Variants in PDCD1LG2 observed in about 807,000 individuals in gnomAD.
The protein encoded by PDCD1LG2 is programmed cell death 1 ligand 2.
Under a neutral mutation model 28.2 loss-of-function variants are expected in PDCD1LG2, and 32 were observed. The ratio of observed to expected loss-of-function variants is 1.13; its 90% CI spans 0.86 to 1.52. The LOEUF (loss-of-function observed/expected upper bound fraction) is 1.52. Among genes scored for constraint, PDCD1LG2 ranks in the 40% most tolerant of loss-of-function variants. PDCD1LG2 has a pLI of 0.00. For missense variants in PDCD1LG2, 385 were observed against 323.8 expected (o/e 1.19, Z -1.45); for synonymous variants, 116 against 120.2 (o/e 0.97, Z 0.23).
rs774273684 is a variant in PDCD1LG2, at chr9:5,522,613, C to G, written c.55+12C>G. ...TCACCAGATAGCAGGTAAGAAAGGA[C>G]AAAGGGAGAGGCTTAAGAAAGAAGA... On this transcript the variant is annotated intron_variant, in intron 2 of 6. Coordinates refer to ENST00000397747, the MANE Select transcript of PDCD1LG2 (RefSeq NM_025239.4). 5.6e-6 allele frequency: 9 copies of G among 1,611,972 alleles called. No individual in the cohort carries two copies. In the South Asian group the frequency reaches 8.8e-5, roughly 16 times the overall value.
At chr9:5,540,209 T>A (rs1259476748) in intron 3 of PDCD1LG2, among the ~76,000 whole-genome samples, 2 of 152,084 alleles carry the variant, frequency 1.3e-5, no homozygotes, top group African/African-American at 4.8e-5. Flanking sequence ...ACACAACCTA[T>A]CAAAACTCTG....
intron 3 of PDCD1LG2, among the ~76,000 whole-genome samples, chr9:5,544,218 G>A (rs1441062681): frequency 1.3e-5 from 2 of 152,182 alleles, no homozygotes; most frequent in African/African-American, 4.8e-5. Flanking sequence ...TAATGAGGGA[G>A]ACTGAGAAGC....
chr9:5,517,483 T>C (rs1820190896), intron 1 of PDCD1LG2, among the ~76,000 whole-genome samples: 1 of 152,226 alleles, frequency 6.6e-6, no homozygotes, highest in Admixed American at 6.5e-5. Context: ...CAGTGGGTCC[T>C]TTAAAGCATG....
Position 5,554,187 on chromosome 9 carries a change from C to T in PDCD1LG2, c.632-3431C>T, listed in dbSNP as rs141625409. On this transcript the variant is annotated intron_variant, in intron 4 of 6. Transcript: ENST00000397747. ...GTTCACACAAGTCTTCTTTATTCCACACTAAGGCAAAAGCAGAGTCCTGTG... is the reference window on the plus strand; with the variant it reads ...GTTCACACAAGTCTTCTTTATTCCATACTAAGGCAAAAGCAGAGTCCTGTG... Among the ~76,000 whole-genome samples the T allele has an allele frequency of 4.2e-3, 635 of 152,282 alleles. 3 individuals are homozygous for T. The highest frequency in any genetic ancestry group is 0.015 in the African/African-American group (604 of 41,564).
At chr9:5,516,985 C>T (rs774156488) in intron 1 of PDCD1LG2, among the ~76,000 whole-genome samples, 2 of 152,196 alleles carry the variant, frequency 1.3e-5, no homozygotes, top group Non-Finnish European at 1.5e-5. Context: ...CAGTACGGGG[C>T]GGGACTCCCA....
chr9:5,517,300 A>G (rs1820186272), intron 1 of PDCD1LG2, among the ~76,000 whole-genome samples: 2 of 152,198 alleles, frequency 1.3e-5, no homozygotes, highest in South Asian at 4.1e-4. Flanking sequence ...TCCCTTAGGG[A>G]TTGGATCTGC....
intron 2 of PDCD1LG2, 43 bp downstream of exon 2, chr9:5,522,644 T>C: frequency 1.3e-6 from 2 of 1,595,114 alleles, no homozygotes; most frequent in Non-Finnish European, 1.7e-6. Flanking sequence ...GAAGAGCAGG[T>C]GGTGGTTCCT....
chr9:5,561,495 T>C (rs2129939256), intron 5 of PDCD1LG2, among the ~76,000 whole-genome samples: 1 of 152,352 alleles, frequency 6.6e-6, no homozygotes, highest in South Asian at 2.1e-4. Context: ...GGCCTATTTG[T>C]TGCAAAAGTG....
chr9:5,513,619 A>C (rs558985456), intron 1 of PDCD1LG2, among the ~76,000 whole-genome samples: 24 of 152,348 alleles, frequency 1.6e-4, no homozygotes, highest in African/African-American at 5.5e-4. Context: ...AAAAATTGAG[A>C]TTTAATTTGA....
rs548979186 is a variant in PDCD1LG2 at position 5,539,697 on chromosome 9, G to A, written c.361+4647G>A. Among the ~76,000 whole-genome samples the A allele has an allele frequency of 6.6e-5, 10 of 152,276 alleles. No individual in the cohort carries two copies. In the South Asian group the frequency reaches 2.1e-3, roughly 32 times the overall value. On this transcript the variant is annotated intron_variant, in intron 3 of 6. Coordinates refer to ENST00000397747, the MANE Select transcript of PDCD1LG2 (RefSeq NM_025239.4). ...GGTCTCTCAGAGGAGCTGGGGTTGA[G>A]AACTGGTCTGTGCAAAGGTTTCCAG...
intron 3 of PDCD1LG2, among the ~76,000 whole-genome samples, chr9:5,537,939 G>C (rs1293324081): frequency 2.6e-5 from 4 of 152,046 alleles, no homozygotes; most frequent in Non-Finnish European, 5.9e-5. Context: ...AGTCACAAGA[G>C]AAAAGTTTTC....
At chr9:5,514,817 G>C (rs1156486636) in intron 1 of PDCD1LG2, among the ~76,000 whole-genome samples, 1 of 149,340 alleles carries the variant, frequency 6.7e-6, no homozygotes, top group African/African-American at 2.5e-5. Context: ...TCAAAATTGA[G>C]TATGAACTGA....
At chr9:5,566,538 GCATGGTAA>G (rs1816669411) in intron 6 of PDCD1LG2, among the ~76,000 whole-genome samples, 1 of 152,172 alleles carries the variant, frequency 6.6e-6, no homozygotes, top group South Asian at 2.1e-4. Context: ...TATCCATCTG[GCATGGTAA>G]CCAGTAACAT....
rs370519545 is a variant in PDCD1LG2 at position 5,525,781 on chromosome 9, G to T, written c.55+3180G>T. Among the ~76,000 whole-genome samples, 55 of 152,250 alleles carry T rather than the reference G, an allele frequency of 3.6e-4. No homozygotes were observed. In the East Asian group the frequency reaches 6.9e-3, roughly 19 times the overall value. ...AGTAAAGAAGAGGCCGGGCATGGTG[G>T]CTCACGCCTGTAATCCCAGCACTTT... On this transcript the variant is annotated intron_variant, in intron 2 of 6. Coordinates refer to ENST00000397747, the MANE Select transcript of PDCD1LG2 (RefSeq NM_025239.4).
intron 6 of PDCD1LG2, among the ~76,000 whole-genome samples, chr9:5,568,618 T>C (rs1170029058): frequency 6.6e-6 from 1 of 152,200 alleles, no homozygotes; most frequent in Non-Finnish European, 1.5e-5. Context: ...TGGAAAATCA[T>C]GTAGCTCTCA....
chr9:5,551,387 G>A, intron 4 of PDCD1LG2, among the ~76,000 whole-genome samples: 1 of 152,144 alleles, frequency 6.6e-6, no homozygotes, highest in East Asian at 1.9e-4. Flanking sequence ...CAACCCCAGA[G>A]GGCAGAAGCA....
chr9:5,528,303 T>C (rs1021809331), intron 2 of PDCD1LG2, among the ~76,000 whole-genome samples: 2 of 149,308 alleles, frequency 1.3e-5, no homozygotes, highest in Admixed American at 6.7e-5. Flanking sequence ...CACACACACA[T>C]ATTTTTTTCT....
intron 5 of PDCD1LG2, among the ~76,000 whole-genome samples, chr9:5,560,914 G>A (rs527647835): frequency 6.6e-6 from 1 of 152,236 alleles, no homozygotes; most frequent in South Asian, 2.1e-4. Context: ...GGGCTCGAGG[G>A]TGACCTGCTG....
intron 5 of PDCD1LG2, among the ~76,000 whole-genome samples, chr9:5,561,475 C>T (rs558518932): frequency 6.6e-6 from 1 of 152,260 alleles, no homozygotes; most frequent in East Asian, 1.9e-4. Flanking sequence ...TGTTTGACTC[C>T]AAAACTTGTG....
Sources: allele counts gnomAD v4.1 joint callset (sites outside exome capture counted in the v4.1 genomes callset), GRCh38; gene constraint gnomAD v4.1.1; transcripts MANE v1.5; gene names NCBI Gene and HGNC (gene_info 2026-07-23, HGNC 2026-07-21).